CASQ1: variants seen among roughly 807,000 people sequenced by gnomAD.
CASQ1 encodes calsequestrin 1.
CASQ1 carries 40 observed loss-of-function variants against 49.5 expected under a neutral mutation model. The observed-to-expected ratio is 0.81, with a 90% CI of 0.63 to 1.05. CASQ1 has a LOEUF of 1.05. Among genes scored for constraint, CASQ1 ranks in the 50% least tolerant of loss-of-function variants. The pLI is 0.00. For synonymous variants in CASQ1, 174 were observed against 187.2 expected, an observed-to-expected ratio of 0.93 and a Z score of 0.58; for missense variants, 469 against 486.9, an observed-to-expected ratio of 0.96 and a Z score of 0.35.
Position 160,201,469 on chromosome 1 carries a change from G to A in CASQ1, c.*93G>A, listed in dbSNP as rs1654374255. On this transcript the variant is annotated 3_prime_UTR_variant, in exon 11 of 11. Coordinates refer to ENST00000368078, the MANE Select transcript of CASQ1 (RefSeq NM_001231.5). ...CCCTGAGTTCCTCCAGGGAGACTAG[G>A]TTATTCTCTGCCATAGAGCTAACTG... The A allele has an allele frequency of 6.6e-6, 9 of 1,366,150 alleles. No homozygotes were observed. Among genetic ancestry groups the A allele is most frequent in the Non-Finnish European group, 8.1e-6 (8 of 982,910 alleles). The allele number at this position is 1,366,150 out of a possible 1,614,324, so 84.6% of individuals were successfully genotyped here. A position where few individuals can be genotyped will look rare whatever the true frequency, so the allele number is the denominator to read the frequency against.
Position 160,198,995 on chromosome 1 carries a change from A to T in CASQ1, c.926A>T (p.Asp309Val), listed in dbSNP as rs754247283. ...FLETLKAVAQ[D>V]NTENPDLSII... is the part of the protein sequence containing the mutation. Reference sequence around the variant, plus strand: ...GAGACTCTCAAGGCTGTGGCCCAAGATAACACTGAAAACCCAGATCTTAGC... The same window carrying T: ...GAGACTCTCAAGGCTGTGGCCCAAGTTAACACTGAAAACCCAGATCTTAGC... The change falls in exon 9 of 11, where the codon GAT becomes GTT. Residue 309 changes from aspartate (D) to valine (V), a missense_variant. By Grantham distance (152) the Asp-to-Val change is radical. Transcript: ENST00000368078. 1.2e-6 allele frequency: 2 copies of T among 1,613,614 alleles called. No homozygotes were observed. The highest frequency in any genetic ancestry group is 2.7e-5 in the African/African-American group (2 of 74,916).
chr1:160,198,534 G>C (rs1049879363), intron 7 of CASQ1, 143 bp from the exon 8 acceptor site: 3 of 622,632 alleles, frequency 4.8e-6, no homozygotes, highest in African/African-American at 3.7e-5. Flanking sequence ...CCCAAAAAAC[G>C]AAAGAATATA....
In CASQ1 at chr1:160,201,453, C is replaced by T; in HGVS notation, c.*77C>T. The T allele has an allele frequency of 6.8e-7, 1 of 1,477,664 alleles. No homozygotes were observed. Among genetic ancestry groups the T allele is most frequent in the Non-Finnish European group, 9.3e-7 (1 of 1,070,960 alleles). 91.5% of individuals were successfully genotyped at this position (1,477,664 alleles called of 1,614,324 possible). A position where few individuals can be genotyped will look rare whatever the true frequency, so the allele number is the denominator to read the frequency against. ...GCCTTCCCTTGTCCTTCCCTGAGTT[C>T]CTCCAGGGAGACTAGGTTATTCTCT... On this transcript the variant is annotated 3_prime_UTR_variant, in exon 11 of 11. Transcript: ENST00000368078.
Position 160,199,055 on chromosome 1 carries a change from T to G in CASQ1, c.984+2T>G, listed in dbSNP as rs1557816376. 2 of 1,557,292 alleles carry G rather than the reference T, an allele frequency of 1.3e-6. No homozygotes were observed. The highest frequency in any genetic ancestry group is 3.3e-5 in the Admixed American group (2 of 59,948). On this transcript the variant is annotated splice_donor_variant, in intron 9 of 10. Coordinates refer to ENST00000368078, the MANE Select transcript of CASQ1 (RefSeq NM_001231.5). LOFTEE classifies it high-confidence loss of function. ...ATTGACCCTGATGACTTCCCCCTGG[T>G]AAGAGGCACAGCTCAGGCACTGCTA...
chr1:160,192,163 G>A (rs944300635), intron 1 of CASQ1, among the ~76,000 whole-genome samples: 1 of 150,552 alleles, frequency 6.6e-6, no homozygotes, highest in African/African-American at 2.5e-5. Context: ...ACAGCCTAAG[G>A]ACAGGCTGAA....
chr1:160,198,875 G>T, intron 8 of CASQ1, 78 bp from the exon 9 acceptor site: 1 of 1,153,768 alleles, frequency 8.7e-7, no homozygotes. Flanking sequence ...GAGCAGGGAG[G>T]TAGCTCTGCA....
At chr1:160,198,883 G>A in intron 8 of CASQ1, 70 bp from the exon 9 acceptor site, 1 of 1,169,308 alleles carries the variant, frequency 8.6e-7, no homozygotes, top group Non-Finnish European at 1.3e-6. Flanking sequence ...AGGTAGCTCT[G>A]CACTCCTGTT....
In CASQ1 at chr1:160,190,973, C is replaced by T; in HGVS notation, c.222C>T (p.Pro74=). Residue 74 remains proline (P), a synonymous_variant, in exon 1 of 11, where the codon CCC becomes CCT. Transcript: ENST00000368078. ...TGCTGGCACTCCTCTACCATGAACC[C>T]CCCGAGGATGACAAGGCCTCACAAA... The part of the protein sequence containing the change: ...YEVLALLYHE[P]PEDDKASQRQ... 6.2e-7 allele frequency: 1 copy of T among 1,614,078 alleles called. No individual in the cohort carries two copies. Among genetic ancestry groups the T allele is most frequent in the South Asian group, 1.1e-5 (1 of 91,074 alleles).
At position 160,194,142 on chromosome 1, in the gene CASQ1, C is replaced by T. The variant is rs576520841; in HGVS notation, c.465+295C>T. 6.9e-4 allele frequency among the ~76,000 whole-genome samples: 104 copies of T among 150,330 alleles called. 1 individual carries two copies. The highest frequency in any genetic ancestry group is 2.5e-3 in the African/African-American group (101 of 40,792). On this transcript the variant is annotated intron_variant, in intron 3 of 10. Coordinates refer to ENST00000368078, the MANE Select transcript of CASQ1 (RefSeq NM_001231.5). ...CCACACACACTACACACACCACACA[C>T]ACATCATATACATACCACACACCCA... is the stretch of plus-strand genomic sequence containing the variant.
At chr1:160,193,176 G>A (rs1039062749) in intron 2 of CASQ1, among the ~76,000 whole-genome samples, 21 of 152,104 alleles carry the variant, frequency 1.4e-4, no homozygotes, top group Non-Finnish European at 1.3e-4. Context: ...AAGGGGAGTC[G>A]GGGAATACAG....
intron 3 of CASQ1, among the ~76,000 whole-genome samples, chr1:160,194,599 GCA>G (rs1654168114): frequency 8.3e-6 from 1 of 119,800 alleles, no homozygotes; most frequent in Admixed American, 8.8e-5. Context: ...CTACACACAT[GCA>G]CACACCACAT....
intron 1 of CASQ1, 45 bp downstream of exon 1, chr1:160,191,075 C>T (rs41265773): frequency 0.016 from 25,312 of 1,592,284 alleles, 260 homozygotes; most frequent in Non-Finnish European, 0.019. Context: ...TCTAGCCCCT[C>T]TCCGGAATCC....
chr1:160,201,519 C>A lies in CASQ1; in HGVS notation c.*143C>A. 2.5e-6 allele frequency: 2 copies of A among 794,534 alleles called. No individual in the cohort carries two copies. Among genetic ancestry groups the A allele is most frequent in the Non-Finnish European group, 4.1e-6 (2 of 491,058 alleles). 49.2% of individuals were successfully genotyped at this position (794,534 alleles called of 1,614,324 possible). A position where few individuals can be genotyped will look rare whatever the true frequency, so the allele number is the denominator to read the frequency against. Reference sequence around the variant, plus strand: ...GGGGTCTATATGCTGGGTGCTGAGACACTGATCCCCCTCATTTGATGAGCA... The same window carrying A: ...GGGGTCTATATGCTGGGTGCTGAGAAACTGATCCCCCTCATTTGATGAGCA... On this transcript the variant is annotated 3_prime_UTR_variant, in exon 11 of 11. Coordinates refer to ENST00000368078, the MANE Select transcript of CASQ1 (RefSeq NM_001231.5).
chr1:160,195,186 C>A, intron 4 of CASQ1, 63 bp downstream of exon 4: 1 of 1,006,168 alleles, frequency 9.9e-7, no homozygotes, highest in Non-Finnish European at 1.5e-6. Flanking sequence ...GTCCTCCCAC[C>A]TCCCCACATC....
Position 160,192,829 on chromosome 1 carries a change from G to C in CASQ1, c.307G>C (p.Gly103Arg), listed in dbSNP as rs567336006. ...ELAAQVLEDK[G>R]VGFGLVDSEK... ...AGCAGCCCAAGTCCTAGAAGACAAG[G>C]GTGTTGGCTTCGGGCTGGTAGACTC... Residue 103 changes from glycine to arginine, a missense_variant, in exon 2 of 11, where the codon GGT becomes CGT. By Grantham distance (125) the Gly-to-Arg change is moderately radical. Coordinates refer to ENST00000368078, the MANE Select transcript of CASQ1 (RefSeq NM_001231.5). The C allele has an allele frequency of 6.2e-7, 1 of 1,614,056 alleles. No individual in the cohort carries two copies. The highest frequency in any genetic ancestry group is 1.1e-5 in the South Asian group (1 of 91,080).
chr1:160,199,377 A>C (rs1654319163), intron 9 of CASQ1, among the ~76,000 whole-genome samples: 1 of 152,232 alleles, frequency 6.6e-6, no homozygotes, highest in South Asian at 2.1e-4. Flanking sequence ...GAATCATAGC[A>C]CAGAGATTCC....
rs912618141 is a variant in CASQ1, at chr1:160,198,855, G to A, written c.884-98G>A. On this transcript the variant is annotated intron_variant, in intron 8 of 10. Transcript: ENST00000368078. Reference sequence around the variant, plus strand: ...GCAAACAGCCTAGGGCTAGACATGTGAAGCTTGGGGAGCAGGGAGGTAGCT... The same window carrying A: ...GCAAACAGCCTAGGGCTAGACATGTAAAGCTTGGGGAGCAGGGAGGTAGCT... The A allele has an allele frequency of 1.7e-5, 20 of 1,176,598 alleles. 1 individual carries two copies. The Admixed American group carries it at 2.0e-4, about 12-fold the overall frequency. The allele number at this position is 1,176,598 out of a possible 1,614,324, so 72.9% of individuals were successfully genotyped here.
In CASQ1 at chr1:160,201,698, C is replaced by T. The variant is rs1182013874; in HGVS notation, c.*322C>T. 1 of 391,622 alleles carries T rather than the reference C, an allele frequency of 2.6e-6. No individual in the cohort carries two copies. The highest frequency in any genetic ancestry group is 4.8e-6 in the Non-Finnish European group (1 of 209,054). 24.3% of individuals were successfully genotyped at this position (391,622 alleles called of 1,614,324 possible). A position where few individuals can be genotyped will look rare whatever the true frequency, so the allele number is the denominator to read the frequency against. On this transcript the variant is annotated 3_prime_UTR_variant, in exon 11 of 11. Coordinates refer to ENST00000368078, the MANE Select transcript of CASQ1 (RefSeq NM_001231.5). ...CTCTAGCCATATATATGGGCCCCAT[C>T]TCTGTTCTGTTCCCTCCATCTATGC...
chr1:160,199,277 G>A (rs965438948), intron 9 of CASQ1, among the ~76,000 whole-genome samples: 2 of 152,164 alleles, frequency 1.3e-5, no homozygotes, highest in African/African-American at 2.4e-5. Flanking sequence ...GAGGCTGGAT[G>A]GGTAGCTCAG....
Sources: allele counts gnomAD v4.1 joint callset (sites outside exome capture counted in the v4.1 genomes callset), GRCh38; gene constraint gnomAD v4.1.1; transcripts MANE v1.5; gene names NCBI Gene and HGNC (gene_info 2026-07-23, HGNC 2026-07-21).